Variants in GOLGA1 observed in about 807,000 individuals in gnomAD.
GOLGA1 encodes the protein golgin A1.
A neutral mutation model predicts 119.7 loss-of-function variants in GOLGA1; 63 were observed. The observed-to-expected ratio is 0.53, with a 90% CI of 0.43 to 0.65. The LOEUF is 0.65. Among genes scored for constraint, GOLGA1 ranks in the 30% least tolerant of loss-of-function variants. The probability of loss-of-function intolerance (pLI) is 0.00; values close to 1 mark genes in which losing one functional copy is unlikely to be tolerated. For synonymous variants in GOLGA1, 318 were observed against 333.4 expected (o/e 0.95, Z 0.50); for missense variants, 798 against 912.8 (o/e 0.87, Z 1.62).
chr9:124,882,600 A>G (rs1283161645), intron 19 of GOLGA1, 31 bp from the exon 20 acceptor site: 2 of 1,585,596 alleles, frequency 1.3e-6, no homozygotes, highest in Non-Finnish European at 1.7e-6. Context: ...CAGAAAGCCA[A>G]TCGTTAGATG....
At chr9:124,910,778 C>G (rs1210233432) in intron 11 of GOLGA1, among the ~76,000 whole-genome samples, 7 of 152,172 alleles carry the variant, frequency 4.6e-5, no homozygotes, top group Non-Finnish European at 1.5e-5. Flanking sequence ...GAGCATGAAC[C>G]CTATTGTGAA....
chr9:124,921,091 T>A (rs778565491), intron 10 of GOLGA1, 38 bp downstream of exon 10: 2 of 1,211,624 alleles, frequency 1.7e-6, no homozygotes, highest in Non-Finnish European at 2.5e-6. Context: ...TTTTTATGAA[T>A]CTTAGAAATC....
At chr9:124,938,271 C>T (rs537462247) in intron 3 of GOLGA1, among the ~76,000 whole-genome samples, 1 of 152,040 alleles carries the variant, frequency 6.6e-6, no homozygotes, top group East Asian at 1.9e-4. Flanking sequence ...AAAACAGGCC[C>T]AGACATTTTC....
intron 12 of GOLGA1, among the ~76,000 whole-genome samples, chr9:124,904,145 C>A (rs950610372): frequency 4.7e-5 from 7 of 149,508 alleles, no homozygotes; most frequent in Non-Finnish European, 1.0e-4. Flanking sequence ...TAGATGAACA[C>A]TGAAGATGTA....
chr9:124,942,218 C>G (rs559113126), upstream of GOLGA1, among the ~76,000 whole-genome samples: 11 of 152,168 alleles, frequency 7.2e-5, no homozygotes, highest in East Asian at 1.9e-3. Flanking sequence ...TGCAGTGAGT[C>G]AAGATCGCGC....
At position 124,886,634 on chromosome 9, in the gene GOLGA1, A is replaced by G. The variant is rs147677080; in HGVS notation, c.1905+1619T>C. On this transcript the variant is annotated intron_variant, in intron 19 of 22. Transcript: ENST00000373555. ...AGGGGTGCAAGCCGAGGGCTTTCAT[A>G]AGGTGCCTGCACAACGGCGCACCTC... Among the ~76,000 whole-genome samples the G allele has an allele frequency of 1.8e-3, 281 of 152,236 alleles. 2 individuals are homozygous for G. Among genetic ancestry groups the G allele is most frequent in the Middle Eastern group, 0.017 (5 of 294 alleles).
upstream of GOLGA1, among the ~76,000 whole-genome samples, chr9:124,941,889 T>C (rs551498184): frequency 6.6e-6 from 1 of 152,298 alleles, no homozygotes; most frequent in African/African-American, 2.4e-5. Context: ...CAGACCAGCC[T>C]GGGCACCGTG....
At chr9:124,886,031 G>A (rs1829713222) in intron 19 of GOLGA1, among the ~76,000 whole-genome samples, 2 of 152,324 alleles carry the variant, frequency 1.3e-5, no homozygotes, top group East Asian at 3.9e-4. Flanking sequence ...AAGAACCAAG[G>A]CAGATAGGAC....
upstream of GOLGA1, chr9:124,941,184 A>G (rs531722771): frequency 1.1e-4 from 16 of 151,802 alleles, no homozygotes; most frequent in African/African-American, 3.4e-4. Flanking sequence ...TACTGTTACC[A>G]CCTCTGAGCG....
intron 10 of GOLGA1, among the ~76,000 whole-genome samples, chr9:124,915,287 A>G (rs562441443): frequency 5.9e-5 from 9 of 152,274 alleles, no homozygotes; most frequent in African/African-American, 2.2e-4. Flanking sequence ...ATAGGAAAAC[A>G]CTGTCTAACC....
At chr9:124,901,609 G>A (rs558690689) in intron 12 of GOLGA1, among the ~76,000 whole-genome samples, 1 of 151,576 alleles carries the variant, frequency 6.6e-6, no homozygotes, top group Non-Finnish European at 1.5e-5. Context: ...CTAATGTTTT[G>A]TATTTTTAGT....
chr9:124,931,556 GT>G (rs1830771928), intron 3 of GOLGA1, 150 bp from the exon 4 acceptor site: 1 of 591,170 alleles, frequency 1.7e-6, no homozygotes. Context: ...TACCTGGAAA[GT>G]GGAAGCAACG....
intron 3 of GOLGA1, among the ~76,000 whole-genome samples, chr9:124,932,933 G>A (rs904862733): frequency 2.0e-5 from 3 of 151,986 alleles, no homozygotes; most frequent in East Asian, 1.9e-4. Flanking sequence ...TAATCATCTC[G>A]GAGACGATTC....
At chr9:124,894,397 T>C (rs1829920325) in intron 15 of GOLGA1, among the ~76,000 whole-genome samples, 2 of 152,004 alleles carry the variant, frequency 1.3e-5, no homozygotes, top group South Asian at 2.1e-4. Flanking sequence ...TGTGTGTGTG[T>C]GTGTGTGTGT....
intron 16 of GOLGA1, 66 bp from the exon 17 acceptor site, chr9:124,889,602 C>T (rs1829810189): frequency 9.5e-7 from 1 of 1,047,374 alleles, no homozygotes; most frequent in African/African-American, 1.6e-5. Context: ...ACAGAAATCT[C>T]CACTTCCCCG....
chr9:124,901,611 ATTT>A (rs1240528889), intron 12 of GOLGA1, among the ~76,000 whole-genome samples: 2 of 151,356 alleles, frequency 1.3e-5, no homozygotes, highest in Non-Finnish European at 2.9e-5. Context: ...AATGTTTTGT[ATTT>A]TTAGTACAGA....
rs148816446 is a variant in GOLGA1, at chr9:124,899,407, G to A, written c.1233C>T (p.Arg411=). Residue 411 remains arginine, a synonymous_variant, in exon 14 of 23, where the codon CGC becomes CGT. Transcript: ENST00000373555. ...CTATCTGGGCTTCTAGCGCCTGGGTGCGCTCCAAGAACTGCTGCTCCAGAG... is the reference window on the plus strand; with the variant it reads ...CTATCTGGGCTTCTAGCGCCTGGGTACGCTCCAAGAACTGCTGCTCCAGAG... The part of the protein sequence containing the change: ...ALALEQQFLE[R]TQALEAQIVA... The A allele has an allele frequency of 1.8e-3, 2,790 of 1,548,914 alleles. 6 individuals carry two copies. The highest frequency in any genetic ancestry group is 2.3e-3 in the Non-Finnish European group (2,602 of 1,147,402).
rs549008480 is a variant in GOLGA1, at chr9:124,881,526, G to A, written c.2136+258C>T. Among the ~76,000 whole-genome samples the A allele has an allele frequency of 4.6e-5, 7 of 152,280 alleles. No individual in the cohort carries two copies. The highest frequency in any genetic ancestry group is 2.1e-4 in the South Asian group (1 of 4,816). ...TGGGTGGATTCCGTTCCCGGCTTCC[G>A]GCCTCTGGCCTCAGCACCCAGGCCA... On this transcript the variant is annotated intron_variant, in intron 21 of 22. Transcript: ENST00000373555. The surrounding 1 kb of genome is among the most constrained non-coding windows in gnomAD (Gnocchi z 4.9).
chr9:124,903,995 G>A lies in GOLGA1; in HGVS notation c.1066-3448C>T, dbSNP rs530856444. On this transcript the variant is annotated intron_variant, in intron 12 of 22. Coordinates refer to ENST00000373555, the MANE Select transcript of GOLGA1 (RefSeq NM_002077.4). ...GGGGAATTGCTTGAACCTAGGAAGCGGAGGTTGCAGTGAGCCGAGATCGTG... is the reference window on the plus strand; with the variant it reads ...GGGGAATTGCTTGAACCTAGGAAGCAGAGGTTGCAGTGAGCCGAGATCGTG... Among the ~76,000 whole-genome samples the A allele has an allele frequency of 6.6e-5, 10 of 151,914 alleles. 1 individual carries two copies. Among genetic ancestry groups the A allele is most frequent in the East Asian group, 5.8e-4 (3 of 5,172 alleles).
Sources: gnomAD v4.1 joint callset for allele counts (sites outside exome capture counted in the v4.1 genomes callset) on GRCh38, gnomAD v4.1.1 for gene constraint, Gnocchi (gnomAD v3.1) non-coding constraint, MANE v1.5 for transcripts, NCBI Gene and HGNC (gene_info 2026-07-23, HGNC 2026-07-21) for gene names.